CPPED1: variants seen among roughly 807,000 people sequenced by gnomAD.
The protein encoded by CPPED1 is serine/threonine-protein phosphatase CPPED1.
A neutral mutation model predicts 28.0 loss-of-function variants in CPPED1; 28 were observed. The ratio of observed to expected loss-of-function variants is 1.00; its 90% CI spans 0.74 to 1.37. CPPED1 has a LOEUF of 1.37. Ranked by LOEUF, CPPED1 falls within the 40% of genes most tolerant of loss-of-function variation. The probability of loss-of-function intolerance (pLI) is 0.00; values close to 1 mark genes in which losing one functional copy is unlikely to be tolerated. For missense variants in CPPED1, 504 were observed against 416.5 expected (o/e 1.21, Z -1.83); for synonymous variants, 198 against 180.2 (o/e 1.10, Z -0.79).
intron 2 of CPPED1, among the ~76,000 whole-genome samples, chr16:12,737,525 C>T (rs2080232896): frequency 6.6e-6 from 1 of 152,176 alleles, no homozygotes; most frequent in Non-Finnish European, 1.5e-5. Context: ...ACCGGCAGCC[C>T]CTGGAGGGTT....
intron 3 of CPPED1, among the ~76,000 whole-genome samples, chr16:12,668,436 G>C (rs2079837183): frequency 6.6e-6 from 1 of 151,938 alleles, no homozygotes; most frequent in Non-Finnish European, 1.5e-5. Context: ...TACTTTGCAA[G>C]AAAAAAATGT....
At chr16:12,723,656 T>G (rs2080154174) in intron 2 of CPPED1, among the ~76,000 whole-genome samples, 1 of 152,162 alleles carries the variant, frequency 6.6e-6, no homozygotes, top group African/African-American at 2.4e-5. Context: ...CCCCCAATCC[T>G]GTGGTCCTTC....
At chr16:12,774,313 C>G (rs993464991) in intron 2 of CPPED1, among the ~76,000 whole-genome samples, 1 of 151,954 alleles carries the variant, frequency 6.6e-6, no homozygotes, top group South Asian at 2.1e-4. Flanking sequence ...ACTAAAATTA[C>G]AAAAATTAGC....
intron 2 of CPPED1, among the ~76,000 whole-genome samples, chr16:12,735,611 G>T (rs1172072347): frequency 6.6e-6 from 1 of 152,138 alleles, no homozygotes; most frequent in East Asian, 1.9e-4. Context: ...GCACCCTAAA[G>T]ATAAATTACA....
intron 1 of CPPED1, among the ~76,000 whole-genome samples, chr16:12,792,722 G>A (rs916482904): frequency 1.3e-5 from 2 of 152,212 alleles, no homozygotes; most frequent in Non-Finnish European, 2.9e-5. Context: ...TAAGTCTCAC[G>A]AGATCTGATG....
chr16:12,740,150 T>C (rs1393136074), intron 2 of CPPED1, among the ~76,000 whole-genome samples: 2 of 152,026 alleles, frequency 1.3e-5, no homozygotes, highest in African/African-American at 2.4e-5. Flanking sequence ...CCTGCTTTAT[T>C]TAAGATACTT....
intron 2 of CPPED1, among the ~76,000 whole-genome samples, chr16:12,737,892 C>G (rs1015116410): frequency 3.9e-5 from 6 of 152,180 alleles, no homozygotes; most frequent in African/African-American, 1.4e-4. Context: ...GGACCCCTGC[C>G]TGCAAAACCG....
intron 3 of CPPED1, among the ~76,000 whole-genome samples, chr16:12,686,509 G>A (rs559114482): frequency 2.0e-5 from 3 of 152,192 alleles, no homozygotes; most frequent in African/African-American, 7.2e-5. Flanking sequence ...ATACAGTTTT[G>A]TCAATAAACT....
intron 2 of CPPED1, among the ~76,000 whole-genome samples, chr16:12,712,614 C>T (rs1469334487): frequency 6.6e-6 from 1 of 152,000 alleles, no homozygotes; most frequent in East Asian, 1.9e-4. Context: ...TGAAGGAGAT[C>T]CGAATTTAGT....
At chr16:12,735,141 A>G (rs1173310881) in intron 2 of CPPED1, among the ~76,000 whole-genome samples, 1 of 152,204 alleles carries the variant, frequency 6.6e-6, no homozygotes, top group Non-Finnish European at 1.5e-5. Flanking sequence ...GATATCGGGT[A>G]CAAATTCCCT....
intron 2 of CPPED1, among the ~76,000 whole-genome samples, chr16:12,776,900 CAG>C (rs1567303853): frequency 6.6e-6 from 1 of 152,142 alleles, no homozygotes; most frequent in African/African-American, 2.4e-5. Context: ...GCCTGGGCAA[CAG>C]AGTGAGACTC....
chr16:12,755,225 T>G (rs1419085392), intron 2 of CPPED1, among the ~76,000 whole-genome samples: 1 of 151,968 alleles, frequency 6.6e-6, no homozygotes, highest in East Asian at 1.9e-4. Flanking sequence ...GATGCTCATG[T>G]ATTAATCACT....
At chr16:12,698,460 C>A (rs1374067149) in intron 3 of CPPED1, among the ~76,000 whole-genome samples, 1 of 152,184 alleles carries the variant, frequency 6.6e-6, no homozygotes, top group Non-Finnish European at 1.5e-5. Flanking sequence ...GAGACACAGT[C>A]TTGCTCTGTT....
At chr16:12,715,164 T>C (rs1355617047) in intron 2 of CPPED1, among the ~76,000 whole-genome samples, 1 of 152,228 alleles carries the variant, frequency 6.6e-6, no homozygotes, top group Non-Finnish European at 1.5e-5. Flanking sequence ...TTTATCTTCA[T>C]GCCAGTACCA....
At chr16:12,701,830 T>A (rs72779043) in intron 3 of CPPED1, among the ~76,000 whole-genome samples, 4 of 152,114 alleles carry the variant, frequency 2.6e-5, no homozygotes, top group Non-Finnish European at 5.9e-5. Flanking sequence ...TAAAGGGACA[T>A]GAAATAACCA....
intron 3 of CPPED1, among the ~76,000 whole-genome samples, chr16:12,699,348 A>C (rs761840628): frequency 2.0e-5 from 3 of 151,946 alleles, no homozygotes; most frequent in Non-Finnish European, 4.4e-5. Flanking sequence ...ACGGTTTTTC[A>C]CTGAGCTTCA....
chr16:12,777,243 G>A (rs747743907), intron 2 of CPPED1, among the ~76,000 whole-genome samples: 5 of 152,198 alleles, frequency 3.3e-5, no homozygotes, highest in Non-Finnish European at 7.3e-5. Context: ...GTGTGGTTAT[G>A]CCAATTTTTA....
At chr16:12,697,443 CCTT>C (rs2079997776) in intron 3 of CPPED1, among the ~76,000 whole-genome samples, 1 of 152,102 alleles carries the variant, frequency 6.6e-6, no homozygotes, top group African/African-American at 2.4e-5. Flanking sequence ...CCACTGAAGA[CCTT>C]CAGGAGGCTT....
chr16:12,726,868 AAAG>A (rs1417203135), intron 2 of CPPED1, among the ~76,000 whole-genome samples: 1 of 152,174 alleles, frequency 6.6e-6, no homozygotes, highest in Admixed American at 6.5e-5. Flanking sequence ...CTTTATCTTC[AAAG>A]AATAGAGGAA....
Sources: allele counts gnomAD v4.1 joint callset (sites outside exome capture counted in the v4.1 genomes callset), GRCh38; gene constraint gnomAD v4.1.1; transcripts MANE v1.5; gene names NCBI Gene and HGNC (gene_info 2026-07-23, HGNC 2026-07-21).